ATL2: variants seen among roughly 807,000 people sequenced by gnomAD.
The protein encoded by ATL2 is atlastin-2.
Under a neutral mutation model 73.9 loss-of-function variants are expected in ATL2, and 31 were observed. That is an observed-to-expected ratio of 0.42 (90% confidence interval 0.32 to 0.57). ATL2 has a LOEUF of 0.57. ATL2 is among the 20% of genes least tolerant of loss of function. The pLI is 0.14. For missense variants in ATL2, 738 were observed against 702.6 expected (o/e 1.05, Z -0.57); for synonymous variants, 291 against 237.5 (o/e 1.23, Z -2.07).
At chr2:38,370,987 A>G (rs1488607957) in intron 1 of ATL2, among the ~76,000 whole-genome samples, 3 of 151,988 alleles carry the variant, frequency 2.0e-5, no homozygotes, top group Non-Finnish European at 2.9e-5. Context: ...AAAAAAATAC[A>G]AAAAGATAAA....
intron 1 of ATL2, among the ~76,000 whole-genome samples, chr2:38,375,328 G>A (rs546409990): frequency 2.6e-4 from 39 of 152,288 alleles, no homozygotes; most frequent in Middle Eastern, 6.8e-3. Flanking sequence ...GTGACTCGGA[G>A]CAAATTAGCA....
At chr2:38,310,863 G>C (rs1232945788) in intron 7 of ATL2, among the ~76,000 whole-genome samples, 1 of 151,804 alleles carries the variant, frequency 6.6e-6, no homozygotes, top group African/African-American at 2.4e-5. Flanking sequence ...CCAACCTCAG[G>C]TAATCCACCC....
chr2:38,370,256 G>C (rs1046120602), intron 1 of ATL2, among the ~76,000 whole-genome samples: 2 of 147,928 alleles, frequency 1.4e-5, no homozygotes, highest in Non-Finnish European at 3.0e-5. Flanking sequence ...CTGAGGTCAG[G>C]AGTTTGAAAC....
intron 1 of ATL2, among the ~76,000 whole-genome samples, chr2:38,355,860 T>TA (rs1670632009): frequency 6.6e-6 from 1 of 151,892 alleles, no homozygotes; most frequent in Non-Finnish European, 1.5e-5. Flanking sequence ...CCACCACGCC[T>TA]AATTTTTGTA....
At position 38,296,539 on chromosome 2, in the gene ATL2, G is replaced by C. The variant is rs766666023; in HGVS notation, c.1633-426C>G. On this transcript the variant is annotated intron_variant, in intron 12 of 12. Coordinates refer to ENST00000378954, the MANE Select transcript of ATL2 (RefSeq NM_001135673.4). ...AGTCTCTGTCGCTGTGCTGATGAAAGAGCACGGTGAACCATTCGACGTCTA... is the reference window on the plus strand; with the variant it reads ...AGTCTCTGTCGCTGTGCTGATGAAACAGCACGGTGAACCATTCGACGTCTA... 4 of 1,614,076 alleles carry C rather than the reference G, an allele frequency of 2.5e-6. No homozygotes were observed. In the South Asian group the frequency reaches 4.4e-5, roughly 18 times the overall value.
intron 1 of ATL2, among the ~76,000 whole-genome samples, chr2:38,372,184 T>C (rs960962845): frequency 8.6e-5 from 13 of 151,592 alleles, no homozygotes; most frequent in African/African-American, 3.2e-4. Flanking sequence ...TTTGCAGATT[T>C]ACTGTTTGAA....
intron 1 of ATL2, among the ~76,000 whole-genome samples, chr2:38,363,985 C>T (rs1167360786): frequency 2.6e-5 from 4 of 152,268 alleles, no homozygotes; most frequent in Non-Finnish European, 5.9e-5. Flanking sequence ...TAGTCTAGGC[C>T]GGGCACAGTG....
intron 9 of ATL2, among the ~76,000 whole-genome samples, chr2:38,306,549 A>G (rs1447612033): frequency 6.6e-6 from 1 of 152,242 alleles, no homozygotes; most frequent in African/African-American, 2.4e-5. Context: ...ACCTAGGGTC[A>G]GGCAGGGATG....
At chr2:38,348,727 G>A (rs1192580759) in intron 1 of ATL2, among the ~76,000 whole-genome samples, 5 of 151,158 alleles carry the variant, frequency 3.3e-5, no homozygotes, top group African/African-American at 4.9e-5. Flanking sequence ...CCATCAGAGT[G>A]AACAGGCAAC....
chr2:38,354,018 C>A (rs1467403771), intron 1 of ATL2: 6 of 286,576 alleles, frequency 2.1e-5, no homozygotes, highest in Admixed American at 5.1e-5. Flanking sequence ...CATGGTGAAA[C>A]CCCGTCTCTA....
chr2:38,354,212 A>G lies in ATL2; in HGVS notation c.119-10700T>C, dbSNP rs565404452. ...AAAAAAGCAAAGAGTATCTGTCATT[A>G]GCAGATGTGCATTACATGAGAGCTA... On this transcript the variant is annotated intron_variant, in intron 1 of 12. Coordinates refer to ENST00000378954, the MANE Select transcript of ATL2 (RefSeq NM_001135673.4). 1.2e-5 allele frequency: 5 copies of G among 423,242 alleles called. No individual in the cohort carries two copies. In the East Asian group the frequency reaches 3.5e-4, roughly 29 times the overall value. The allele number at this position is 423,242 out of a possible 1,614,324, so 26.2% of individuals were successfully genotyped here.
intron 1 of ATL2, among the ~76,000 whole-genome samples, chr2:38,351,483 A>G (rs1670341741): frequency 6.7e-6 from 1 of 149,354 alleles, no homozygotes; most frequent in Non-Finnish European, 1.5e-5. Flanking sequence ...AAAATTATAC[A>G]TATATATATT....
intron 1 of ATL2, among the ~76,000 whole-genome samples, chr2:38,370,170 AAG>A (rs1459098072): frequency 4.4e-5 from 6 of 135,568 alleles, no homozygotes; most frequent in Admixed American, 7.0e-5. Flanking sequence ...AAAAAAAAAA[AAG>A]AAAGAAAATC....
At chr2:38,317,574 G>A (rs1300976022) in intron 4 of ATL2, among the ~76,000 whole-genome samples, 1 of 152,004 alleles carries the variant, frequency 6.6e-6, no homozygotes, top group Non-Finnish European at 1.5e-5. Flanking sequence ...CCTTGTCTGG[G>A]TTTCCTAAAT....
At chr2:38,327,538 T>TACAAAAAAAAAAAAAAAAAAAAAAAAA (rs1668734402) in intron 2 of ATL2, among the ~76,000 whole-genome samples, 1 of 39,486 alleles carries the variant, frequency 2.5e-5, no homozygotes, top group Non-Finnish European at 4.9e-5. Context: ...AAAAAAAAAG[T>TACAAAAAAAAAAAAAAAAAAAAAAAAA]ACAAAAAAAA....
At chr2:38,359,274 A>G (rs965052149) in intron 1 of ATL2, among the ~76,000 whole-genome samples, 1 of 152,104 alleles carries the variant, frequency 6.6e-6, no homozygotes, top group African/African-American at 2.4e-5. Flanking sequence ...GTTCCAGACC[A>G]GCCTGGCCAA....
chr2:38,298,136 A>G lies in ATL2; in HGVS notation c.1632+8T>C, dbSNP rs764147255. 5 of 1,601,652 alleles carry G rather than the reference A, an allele frequency of 3.1e-6. No individual in the cohort carries two copies. In the Admixed American group the frequency reaches 6.8e-5, roughly 22 times the overall value. On this transcript the variant is annotated splice_region_variant and intron_variant, in intron 12 of 12. Transcript: ENST00000378954. ...TAGTCACTAAAAAACCAAAAGATAG[A>G]TACCAACCTGTTCCCATAGTGTTTC...
chr2:38,359,443 A>T (rs559538388), intron 1 of ATL2: 1 of 148,608 alleles, frequency 6.7e-6, no homozygotes, highest in African/African-American at 2.5e-5. Flanking sequence ...CCGCCATTGC[A>T]CTCCAGCCTC....
At chr2:38,344,727 A>C (rs1356943061) in intron 1 of ATL2, among the ~76,000 whole-genome samples, 1 of 152,232 alleles carries the variant, frequency 6.6e-6, no homozygotes, top group Non-Finnish European at 1.5e-5. Flanking sequence ...TAATTTAATA[A>C]CAGTAACCTA....
Sources: allele counts gnomAD v4.1 joint callset (sites outside exome capture counted in the v4.1 genomes callset), GRCh38; gene constraint gnomAD v4.1.1; transcripts MANE v1.5; gene names NCBI Gene and HGNC (gene_info 2026-07-23, HGNC 2026-07-21).